Variants in CNTN1 observed in about 807,000 individuals in gnomAD.
CNTN1 encodes contactin-1.
A neutral mutation model predicts 126.4 loss-of-function variants in CNTN1; 38 were observed. That is an observed-to-expected ratio of 0.30 (90% CI 0.23 to 0.39). The LOEUF (loss-of-function observed/expected upper bound fraction) is 0.39. Ranked by LOEUF, CNTN1 falls within the 10% of genes least tolerant of loss-of-function variation. The pLI is 1.00. For missense variants in CNTN1, 1,009 were observed against 1,248.4 expected (o/e 0.81, Z 2.89); for synonymous variants, 413 against 422.6 (o/e 0.98, Z 0.28).
At chr12:40,721,222 C>T (rs557532810) in intron 1 of CNTN1, among the ~76,000 whole-genome samples, 9 of 152,164 alleles carry the variant, frequency 5.9e-5, no homozygotes, top group East Asian at 1.9e-4. Context: ...ATTCCATCTC[C>T]GTCCTCTTTC....
At chr12:40,999,127 G>T (rs1274944997) in intron 17 of CNTN1, among the ~76,000 whole-genome samples, 1 of 152,080 alleles carries the variant, frequency 6.6e-6, no homozygotes, top group Non-Finnish European at 1.5e-5. Context: ...GGAAAGAATA[G>T]TCATGGCATT....
intron 1 of CNTN1, among the ~76,000 whole-genome samples, chr12:40,717,046 T>C: frequency 6.6e-6 from 1 of 150,906 alleles, no homozygotes; most frequent in East Asian, 2.0e-4. Flanking sequence ...TACATATTTT[T>C]ATGTAACCCT....
At chr12:41,031,704 A>G (rs1005730756) in intron 23 of CNTN1, among the ~76,000 whole-genome samples, 5 of 152,066 alleles carry the variant, frequency 3.3e-5, no homozygotes, top group Non-Finnish European at 1.5e-5. Context: ...TTGCCAACTA[A>G]TGGACAACAT....
chr12:41,054,984 A>G (rs1236596645), intron 23 of CNTN1, among the ~76,000 whole-genome samples: 2 of 152,148 alleles, frequency 1.3e-5, no homozygotes, highest in Non-Finnish European at 2.9e-5. Context: ...GCATCATTCC[A>G]AGTAGCAAAT....
intron 15 of CNTN1, among the ~76,000 whole-genome samples, chr12:40,965,394 T>G (rs1456116834): frequency 6.6e-6 from 1 of 152,096 alleles, no homozygotes; most frequent in Non-Finnish European, 1.5e-5. Context: ...TATAGTTAAT[T>G]TCTAAAACTC....
At chr12:40,775,432 T>C (rs1939538958) in intron 1 of CNTN1, among the ~76,000 whole-genome samples, 1 of 151,564 alleles carries the variant, frequency 6.6e-6, no homozygotes, top group Admixed American at 6.6e-5. Context: ...TCTTTAGTTC[T>C]ATAATTATTT....
intron 1 of CNTN1, among the ~76,000 whole-genome samples, chr12:40,874,426 A>G (rs1274711093): frequency 6.6e-6 from 1 of 152,150 alleles, no homozygotes; most frequent in South Asian, 2.1e-4. Context: ...GTAGCTCAGT[A>G]TTTATCCTTC....
intron 15 of CNTN1, among the ~76,000 whole-genome samples, chr12:40,969,882 T>A (rs144837466): frequency 1.6e-3 from 238 of 152,254 alleles, no homozygotes; most frequent in African/African-American, 5.3e-3. Flanking sequence ...AGCAAATTAC[T>A]TGTGACACAC....
intron 17 of CNTN1, among the ~76,000 whole-genome samples, chr12:40,994,171 T>C (rs908101798): frequency 1.3e-5 from 2 of 152,132 alleles, no homozygotes; most frequent in South Asian, 4.1e-4. Flanking sequence ...ATAATACAGA[T>C]AATATTTGCA....
At chr12:41,027,200 A>G (rs1949054883) in intron 21 of CNTN1, among the ~76,000 whole-genome samples, 1 of 152,200 alleles carries the variant, frequency 6.6e-6, no homozygotes, top group Non-Finnish European at 1.5e-5. Flanking sequence ...CTAGACAGAG[A>G]GACCTATAGC....
At chr12:41,047,049 A>G (rs1949557223) in intron 23 of CNTN1, among the ~76,000 whole-genome samples, 1 of 151,940 alleles carries the variant, frequency 6.6e-6, no homozygotes, top group Non-Finnish European at 1.5e-5. Context: ...ACATCCAGGC[A>G]GAAGGCAGAA....
At chr12:40,926,171 GGATAGATAGATAGATAGATAGATA>G (rs56862813) in intron 6 of CNTN1, among the ~76,000 whole-genome samples, 1 of 137,512 alleles carries the variant, frequency 7.3e-6, no homozygotes, top group East Asian at 2.2e-4. Context: ...TGCTAAATAA[GGATAGATAGATAGATAGATAGATA>G]GATAGATAGA....
chr12:40,935,185 A>G (rs1169927424), intron 9 of CNTN1, among the ~76,000 whole-genome samples: 1 of 152,076 alleles, frequency 6.6e-6, no homozygotes, highest in East Asian at 1.9e-4. Flanking sequence ...AGTAACATTA[A>G]TGCAATACAT....
intron 9 of CNTN1, 118 bp from the exon 10 acceptor site, chr12:40,936,663 A>G: frequency 7.8e-7 from 1 of 1,286,302 alleles, no homozygotes. Flanking sequence ...TTCAGGATGC[A>G]TACACTATCT....
chr12:40,750,954 A>AGCC (rs1207359028), intron 1 of CNTN1, among the ~76,000 whole-genome samples: 3 of 152,120 alleles, frequency 2.0e-5, no homozygotes, highest in Non-Finnish European at 4.4e-5. Flanking sequence ...AGTGAGAAGA[A>AGCC]GCCAAGGTCA....
chr12:40,833,188 A>T (rs1379334585), intron 1 of CNTN1, among the ~76,000 whole-genome samples: 1 of 151,936 alleles, frequency 6.6e-6, no homozygotes, highest in African/African-American at 2.4e-5. Flanking sequence ...TCCACCTCCC[A>T]AGTTCAAGCG....
In CNTN1 at chr12:40,918,791, T is replaced by C. The variant is rs746319991; in HGVS notation, c.227+20T>C. 1 of 1,613,104 alleles carries C rather than the reference T, an allele frequency of 6.2e-7. No individual in the cohort carries two copies. Among genetic ancestry groups the C allele is most frequent in the Non-Finnish European group, 8.5e-7 (1 of 1,179,194 alleles). On this transcript the variant is annotated intron_variant, in intron 4 of 23. Coordinates refer to ENST00000551295, the MANE Select transcript of CNTN1 (RefSeq NM_001843.4). Reference sequence around the variant, plus strand: ...TTACAAGTAATGTACCTCGCTTCTCTTTTCAGAGTGGAGTGTCAGAGTAAT... The same window carrying C: ...TTACAAGTAATGTACCTCGCTTCTCCTTTCAGAGTGGAGTGTCAGAGTAAT...
intron 1 of CNTN1, among the ~76,000 whole-genome samples, chr12:40,797,822 G>C (rs1300350342): frequency 6.6e-6 from 1 of 151,976 alleles, no homozygotes; most frequent in East Asian, 1.9e-4. Flanking sequence ...GTCCATAGAG[G>C]AAGAAGAAAA....
At chr12:40,929,689 C>A in intron 6 of CNTN1, 107 bp from the exon 7 acceptor site, 1 of 825,610 alleles carries the variant, frequency 1.2e-6, no homozygotes, top group South Asian at 1.5e-5. Flanking sequence ...ATTTGCTCCA[C>A]AATAGCCTTT....
Sources: allele counts gnomAD v4.1 joint callset (sites outside exome capture counted in the v4.1 genomes callset), GRCh38; gene constraint gnomAD v4.1.1; transcripts MANE v1.5; gene names NCBI Gene and HGNC (gene_info 2026-07-23, HGNC 2026-07-21).